The following TNRC6C variants were observed in gnomAD, a reference collection of about 807,000 sequenced individuals.
TNRC6C encodes the protein trinucleotide repeat containing adaptor 6C.
TNRC6C carries 20 observed loss-of-function variants against 153.7 expected under a neutral mutation model. The observed-to-expected ratio is 0.13, with a 90% CI of 0.09 to 0.19. The LOEUF is 0.19. TNRC6C is among the 10% of genes least tolerant of loss of function. The pLI is 1.00. For missense variants in TNRC6C, 1,987 were observed against 2,172.0 expected (o/e 0.91, Z 1.69); for synonymous variants, 811 against 841.4 (o/e 0.96, Z 0.63).
chr17:78,094,715 C>G (rs908113401), intron 16 of TNRC6C, among the ~76,000 whole-genome samples: 1 of 152,352 alleles, frequency 6.6e-6, no homozygotes, highest in Non-Finnish European at 1.5e-5. Flanking sequence ...GCTGGGATTA[C>G]AGGCGTGAGC....
At chr17:78,031,651 G>T in exon 2 of TNRC6C, 1 of 1,232,446 alleles carries the variant, frequency 8.1e-7, no homozygotes, top group South Asian at 4.1e-5. Flanking sequence ...GCTGCATCCC[G>T]TTACCTGCCT....
At chr17:78,074,380 G>A (rs1032751682) in intron 7 of TNRC6C, among the ~76,000 whole-genome samples, 1 of 152,154 alleles carries the variant, frequency 6.6e-6, no homozygotes, top group Non-Finnish European at 1.5e-5. Flanking sequence ...ACAAATTTTA[G>A]CAAGTAGGCC....
chr17:78,094,352 G>A (rs908573763), intron 16 of TNRC6C, among the ~76,000 whole-genome samples: 1 of 151,882 alleles, frequency 6.6e-6, no homozygotes, highest in Non-Finnish European at 1.5e-5. Context: ...CACTAATAAG[G>A]CCACCTAGAT....
intron 4 of TNRC6C, chr17:78,066,174 T>C (rs1049833959): frequency 1.3e-5 from 2 of 149,972 alleles, no homozygotes; most frequent in African/African-American, 4.9e-5. Flanking sequence ...GAGGTTGCAG[T>C]GAGCCAAGAT....
intron 2 of TNRC6C, among the ~76,000 whole-genome samples, 154 bp from the exon 5 acceptor site, chr17:78,048,691 G>A (rs1378492786): frequency 6.6e-6 from 1 of 152,168 alleles, no homozygotes. Context: ...CTATTAAGAA[G>A]ACAAATAGCT....
rs115400176 is a variant in TNRC6C at position 78,076,840 on chromosome 17, T to A, written c.3061-345T>A. ...ACCTAATGTACACCTAGAGCTTTGG[T>A]AATAACTTCTCAAAAAGAATCTGTT... On this transcript the variant is annotated intron_variant, in intron 8 of 19. Coordinates refer to ENST00000301624, the Ensembl canonical transcript of TNRC6C. Among the ~76,000 whole-genome samples the A allele has an allele frequency of 6.2e-3, 941 of 152,372 alleles. 9 individuals are homozygous for A. Among genetic ancestry groups the A allele is most frequent in the African/African-American group, 0.022 (899 of 41,590 alleles).
chr17:78,068,932 C>G (rs1054960847), intron 5 of TNRC6C, among the ~76,000 whole-genome samples: 10 of 152,106 alleles, frequency 6.6e-5, no homozygotes, highest in African/African-American at 2.2e-4. Context: ...TTCAGCATGA[C>G]TGAATTTCAA....
chr17:78,013,484 A>G (rs2071672614), intron 1 of TNRC6C, among the ~76,000 whole-genome samples: 1 of 152,244 alleles, frequency 6.6e-6, no homozygotes, highest in African/African-American at 2.4e-5. Flanking sequence ...CATTTGATCC[A>G]GCAGATATTT....
chr17:78,056,723 G>A (rs993515681), intron 3 of TNRC6C, among the ~76,000 whole-genome samples: 13 of 150,410 alleles, frequency 8.6e-5, no homozygotes, highest in African/African-American at 2.2e-4. Flanking sequence ...CCTCGACCCC[G>A]CAAAGTGCTG....
intron 3 of TNRC6C, among the ~76,000 whole-genome samples, chr17:78,060,484 T>C (rs2072745482): frequency 6.7e-6 from 1 of 149,874 alleles, no homozygotes; most frequent in Non-Finnish European, 1.5e-5. Flanking sequence ...TTTTTTTTTT[T>C]TTTTTGAGAC....
intron 11 of TNRC6C, among the ~76,000 whole-genome samples, 155 bp from the exon 14 acceptor site, chr17:78,086,348 A>C (rs1261117558): frequency 2.9e-5 from 4 of 139,898 alleles, no homozygotes; most frequent in Non-Finnish European, 4.6e-5. Flanking sequence ...AAAAAAAAAA[A>C]AAAAAAAAAA....
At position 78,077,166 on chromosome 17, in the gene TNRC6C, CCTTT is replaced by C; in HGVS notation, c.3061-12_3061-9del. The C allele has an allele frequency of 6.3e-7, 1 of 1,595,068 alleles. No homozygotes were observed. Among genetic ancestry groups the C allele is most frequent in the Non-Finnish European group, 8.5e-7 (1 of 1,171,732 alleles). ...CTGATGGACACTGCACACAGCTCAC[CCTTT>C]CTTTCTCCAATCAGGATGGCGGCCT... On this transcript the variant is annotated splice_polypyrimidine_tract_variant and intron_variant, in intron 8 of 19. Coordinates refer to ENST00000301624, the Ensembl canonical transcript of TNRC6C.
At chr17:78,064,155 T>G (rs1382024333) in intron 3 of TNRC6C, among the ~76,000 whole-genome samples, 1 of 152,176 alleles carries the variant, frequency 6.6e-6, no homozygotes, top group Non-Finnish European at 1.5e-5. Flanking sequence ...AAAGTATAAC[T>G]TAGGACTTCG....
At chr17:78,052,386 T>C (rs1260024824) in intron 3 of TNRC6C, among the ~76,000 whole-genome samples, 5 of 152,196 alleles carry the variant, frequency 3.3e-5, no homozygotes, top group African/African-American at 4.8e-5. Context: ...GGACCTGCCA[T>C]GTACTAGGCT....
intron 1 of TNRC6C, among the ~76,000 whole-genome samples, chr17:77,966,725 A>C (rs1316282922): frequency 6.6e-6 from 1 of 152,212 alleles, no homozygotes; most frequent in Non-Finnish European, 1.5e-5. Flanking sequence ...TGAGCCATGT[A>C]ATAATAGACG....
intron 1 of TNRC6C, among the ~76,000 whole-genome samples, chr17:77,966,740 C>A (rs2070899789): frequency 6.6e-6 from 1 of 152,068 alleles, no homozygotes; most frequent in African/African-American, 2.4e-5. Flanking sequence ...TAGACGTCTG[C>A]TGTTAATTAT....
chr17:77,998,540 A>G (rs1474456732), intron 1 of TNRC6C, among the ~76,000 whole-genome samples: 1 of 151,882 alleles, frequency 6.6e-6, no homozygotes, highest in Non-Finnish European at 1.5e-5. Flanking sequence ...TTGTTTTCCA[A>G]ATTCAGTAAT....
At chr17:78,100,310 A>G (rs995617560) in intron 17 of TNRC6C, among the ~76,000 whole-genome samples, 1 of 152,226 alleles carries the variant, frequency 6.6e-6, no homozygotes, top group Non-Finnish European at 1.5e-5. Context: ...GAGGTTGTCC[A>G]TGAGAGCCCT....
exon 20 of TNRC6C, chr17:78,107,932 C>G (rs2073732107): frequency 6.6e-6 from 1 of 152,218 alleles, no homozygotes; most frequent in Non-Finnish European, 1.5e-5. Flanking sequence ...CCTTCGCTAA[C>G]TTTCACCAAG....
Sources: allele counts gnomAD v4.1 joint callset (sites outside exome capture counted in the v4.1 genomes callset), GRCh38; gene constraint gnomAD v4.1.1; transcripts MANE v1.5; gene names NCBI Gene and HGNC (gene_info 2026-07-23, HGNC 2026-07-21).